Variants in CGNL1 observed in about 807,000 individuals in gnomAD.
The protein encoded by CGNL1 is cingulin-like protein 1.
CGNL1 carries 132 observed loss-of-function variants against 141.2 expected under a neutral mutation model. The ratio of observed to expected loss-of-function variants is 0.93; its 90% CI spans 0.81 to 1.08. CGNL1 has a LOEUF of 1.08. Ranked by LOEUF, CGNL1 falls within the 50% of genes least tolerant of loss-of-function variation. The probability of loss-of-function intolerance (pLI) is 0.00; values close to 1 mark genes in which losing one functional copy is unlikely to be tolerated. For missense variants in CGNL1, 1,870 were observed against 1,588.6 expected, an observed-to-expected ratio of 1.18 and a Z score of -3.01; for synonymous variants, 690 against 622.1, an observed-to-expected ratio of 1.11 and a Z score of -1.63.
chr15:57,506,199 C>T (rs529500165), intron 8 of CGNL1, among the ~76,000 whole-genome samples: 1 of 152,332 alleles, frequency 6.6e-6, no homozygotes, highest in South Asian at 2.1e-4. Context: ...GTTCCCACCC[C>T]CCAATATTTT....
intron 8 of CGNL1, among the ~76,000 whole-genome samples, chr15:57,470,522 TA>T (rs1396154765): frequency 2.9e-4 from 44 of 152,094 alleles, no homozygotes; most frequent in African/African-American, 9.2e-4. Flanking sequence ...CCATGAGGGA[TA>T]AACAGAGCAT....
chr15:57,442,996 A>T (rs567931293), intron 4 of CGNL1, among the ~76,000 whole-genome samples: 1 of 152,252 alleles, frequency 6.6e-6, no homozygotes, highest in Non-Finnish European at 1.5e-5. Flanking sequence ...TGATACAAAC[A>T]GATGGCGAGA....
At chr15:57,401,814 G>T (rs941334798) in intron 1 of CGNL1, among the ~76,000 whole-genome samples, 5 of 152,146 alleles carry the variant, frequency 3.3e-5, no homozygotes, top group African/African-American at 1.2e-4. Context: ...TTTTTGGAGG[G>T]TGTACAGTGT....
intron 4 of CGNL1, among the ~76,000 whole-genome samples, chr15:57,450,014 A>G (rs531483282): frequency 8.8e-4 from 134 of 152,298 alleles, no homozygotes; most frequent in Non-Finnish European, 1.4e-3. Flanking sequence ...GGCTGCTTTA[A>G]ACGTTCACGT....
At chr15:57,509,308 G>A (rs377001240) in intron 8 of CGNL1, among the ~76,000 whole-genome samples, 3 of 152,224 alleles carry the variant, frequency 2.0e-5, no homozygotes, top group African/African-American at 4.8e-5. Flanking sequence ...CGGCCTCCAC[G>A]CCTCAGCTGT....
chr15:57,427,504 C>A (rs1287937588), intron 1 of CGNL1, among the ~76,000 whole-genome samples: 3 of 152,172 alleles, frequency 2.0e-5, no homozygotes, highest in Non-Finnish European at 2.9e-5. Context: ...GGACGCTTCC[C>A]CAGTGGCTCT....
chr15:57,512,106 C>A (rs1334507607), intron 8 of CGNL1, among the ~76,000 whole-genome samples: 2 of 152,122 alleles, frequency 1.3e-5, no homozygotes, highest in Admixed American at 6.5e-5. Flanking sequence ...GCCTTTGCCA[C>A]ATCCATGAGA....
At chr15:57,392,471 C>T (rs1354340727) in intron 1 of CGNL1, among the ~76,000 whole-genome samples, 1 of 152,150 alleles carries the variant, frequency 6.6e-6, no homozygotes. Context: ...AGGTCAAGAC[C>T]TAACACAACT....
intron 1 of CGNL1, among the ~76,000 whole-genome samples, chr15:57,418,595 C>G (rs1278195230): frequency 6.6e-6 from 1 of 152,200 alleles, no homozygotes; most frequent in East Asian, 1.9e-4. Flanking sequence ...TTGTGGGAAA[C>G]TGTCCACAGC....
At chr15:57,495,134 A>G (rs1387411377) in intron 8 of CGNL1, among the ~76,000 whole-genome samples, 1 of 152,198 alleles carries the variant, frequency 6.6e-6, no homozygotes, top group Non-Finnish European at 1.5e-5. Flanking sequence ...TCCTTAAACC[A>G]TGATGCTTCC....
chr15:57,425,090 C>A (rs2062958194), intron 1 of CGNL1, among the ~76,000 whole-genome samples: 1 of 152,092 alleles, frequency 6.6e-6, no homozygotes, highest in African/African-American at 2.4e-5. Context: ...TTACATTATA[C>A]AGGCTTGTGA....
intron 8 of CGNL1, among the ~76,000 whole-genome samples, chr15:57,472,391 A>C (rs1483974897): frequency 6.6e-6 from 1 of 152,118 alleles, no homozygotes; most frequent in African/African-American, 2.4e-5. Context: ...GCCTGTATGG[A>C]GCATCCGAAG....
Position 57,439,601 on chromosome 15 carries a change from G to C in CGNL1, c.1602G>C (p.Gln534His). The C allele has an allele frequency of 1.2e-6, 2 of 1,612,106 alleles. No homozygotes were observed. Among genetic ancestry groups the C allele is most frequent in the Non-Finnish European group, 1.7e-6 (2 of 1,179,348 alleles). The change falls in exon 2 of 19, where the codon CAG becomes CAC. Residue 534 changes from glutamine to histidine, a missense_variant and splice_region_variant. Transcript: ENST00000281282. ...CATTTCCTTCGGCCTCAAATACTCA[G>C]GTAACACTAGTGCGATTCCTGTTTG... ...VKTFPSASNT[Q>H]ATPDLLKGQQ...
Position 57,440,856 on chromosome 15 carries a change from C to T in CGNL1, c.1697+385C>T, listed in dbSNP as rs187994389. Among the ~76,000 whole-genome samples the T allele has an allele frequency of 3.9e-3, 593 of 152,156 alleles. 1 individual carries two copies. Among genetic ancestry groups the T allele is most frequent in the Admixed American group, 6.9e-3 (106 of 15,272 alleles). ...GAAGTTACAAATAAAAACACCTCCC[C>T]TCCCCAGAGTTAACATTGGCCAAGA... is the stretch of plus-strand genomic sequence containing the variant. On this transcript the variant is annotated intron_variant, in intron 3 of 18. Transcript: ENST00000281282.
At chr15:57,447,469 C>T (rs529731439) in intron 4 of CGNL1, among the ~76,000 whole-genome samples, 1 of 152,328 alleles carries the variant, frequency 6.6e-6, no homozygotes, top group East Asian at 1.9e-4. Context: ...CAGTTGGCTC[C>T]ATTGGAAAGC....
chr15:57,411,503 G>C (rs558287017), intron 1 of CGNL1, among the ~76,000 whole-genome samples: 1 of 151,016 alleles, frequency 6.6e-6, no homozygotes, highest in South Asian at 2.1e-4. Context: ...GAGTGCAATG[G>C]CGCAATCTCA....
At position 57,523,639 on chromosome 15, in the gene CGNL1, G is replaced by T. The variant is rs774567076; in HGVS notation, c.2866G>T (p.Glu956Ter). The T allele has an allele frequency of 2.5e-6, 4 of 1,613,952 alleles. No homozygotes were observed. In the East Asian group the frequency reaches 8.9e-5, roughly 36 times the overall value. The change falls in exon 11 of 19, where the codon GAG becomes TAG. Residue 956 changes from glutamate (E) to a stop codon, truncating the protein, a stop_gained and splice_region_variant. Transcript: ENST00000281282. LOFTEE classifies it high-confidence loss of function. ...CAAAACCATTGAGAAACTGCAGAAG[G>T]AGGTGAGGGGCTGGAGGAGGAAAGA... is the stretch of plus-strand genomic sequence containing the variant. ...LGKTIEKLQK[E>*]MADIVEASRT... is the part of the protein sequence containing the mutation.
At chr15:57,496,171 A>C (rs2063935067) in intron 8 of CGNL1, among the ~76,000 whole-genome samples, 1 of 151,952 alleles carries the variant, frequency 6.6e-6, no homozygotes, top group African/African-American at 2.4e-5. Context: ...ACAAAACAAA[A>C]CCCTCCAAAC....
At chr15:57,417,994 C>A (rs1200451253) in intron 1 of CGNL1, among the ~76,000 whole-genome samples, 5 of 151,950 alleles carry the variant, frequency 3.3e-5, no homozygotes, top group African/African-American at 1.2e-4. Flanking sequence ...GTGGAGGTGG[C>A]TTGAGCCTTT....
Sources: allele counts gnomAD v4.1 joint callset (sites outside exome capture counted in the v4.1 genomes callset), GRCh38; gene constraint gnomAD v4.1.1; transcripts MANE v1.5; gene names NCBI Gene and HGNC (gene_info 2026-07-23, HGNC 2026-07-21).